Variants in IQGAP2 observed in about 807,000 individuals in gnomAD.
IQGAP2 encodes IQ motif containing GTPase activating protein 2.
A neutral mutation model predicts 201.3 loss-of-function variants in IQGAP2; 173 were observed. The ratio of observed to expected loss-of-function variants is 0.86; its 90% CI spans 0.76 to 0.98. The LOEUF is 0.98. Among genes scored for constraint, IQGAP2 ranks in the 50% least tolerant of loss-of-function variants. IQGAP2 has a pLI of 0.00. For synonymous variants in IQGAP2, 675 were observed against 673.9 expected (o/e 1.00, Z -0.03); for missense variants, 1,687 against 1,864.8 (o/e 0.90, Z 1.76).
At chr5:76,668,509 A>G (rs1743992732) in intron 22 of IQGAP2, among the ~76,000 whole-genome samples, 172 bp from the exon 23 acceptor site, 1 of 152,048 alleles carries the variant, frequency 6.6e-6, no homozygotes, top group South Asian at 2.1e-4. Context: ...TACTAATAGC[A>G]TAGAGATGAG....
At chr5:76,692,586 G>A (rs1406522827) in intron 30 of IQGAP2, among the ~76,000 whole-genome samples, 1 of 152,148 alleles carries the variant, frequency 6.6e-6, no homozygotes, top group African/African-American at 2.4e-5. Context: ...GCCTCCCTAG[G>A]AAGTGGTGGC....
At chr5:76,588,797 A>G (rs1746421996) in intron 5 of IQGAP2, 109 bp from the exon 6 acceptor site, 14 of 515,536 alleles carry the variant, frequency 2.7e-5, no homozygotes, top group Non-Finnish European at 4.7e-5. Context: ...AATAGACTAG[A>G]TATCTCTTAG....
intron 2 of IQGAP2, among the ~76,000 whole-genome samples, chr5:76,550,002 C>A (rs777731961): frequency 1.3e-5 from 2 of 152,180 alleles, no homozygotes; most frequent in Non-Finnish European, 2.9e-5. Flanking sequence ...ACAACCTAAG[C>A]CTTAACCCAT....
intron 13 of IQGAP2, among the ~76,000 whole-genome samples, chr5:76,621,546 A>G (rs1281894975): frequency 6.6e-6 from 1 of 152,234 alleles, no homozygotes; most frequent in Non-Finnish European, 1.5e-5. Flanking sequence ...AGCATGCCGT[A>G]CAAGTTATTA....
Position 76,403,373 on chromosome 5 carries a change from G to T in IQGAP2, c.-173G>T. ...TCAGTGTCAGCGCGCGGCGGCCGTG[G>T]CTGGCTCTGGCGAGAGAGCACCGAG... is the stretch of plus-strand genomic sequence containing the variant. On this transcript the variant is annotated 5_prime_UTR_variant, in exon 1 of 36. Transcript: ENST00000274364. This position sits in a 1 kb window ranked among gnomAD's most constrained non-coding sequence, Gnocchi z 4.8. 2.3e-6 allele frequency: 1 copy of T among 432,394 alleles called. No individual in the cohort carries two copies. The highest frequency in any genetic ancestry group is 4.5e-5 in the Admixed American group (1 of 21,992). The allele number at this position is 432,394 out of a possible 1,614,324, so 26.8% of individuals were successfully genotyped here. A position where few individuals can be genotyped will look rare whatever the true frequency, so the allele number is the denominator to read the frequency against.
At chr5:76,604,140 C>G (rs183468288) in intron 11 of IQGAP2, among the ~76,000 whole-genome samples, 138 of 152,118 alleles carry the variant, frequency 9.1e-4, no homozygotes, top group African/African-American at 3.2e-3. Flanking sequence ...TTCCCCACCC[C>G]CTGACATGCC....
chr5:76,698,188 T>G, intron 33 of IQGAP2, 41 bp downstream of exon 33: 1 of 1,442,970 alleles, frequency 6.9e-7, no homozygotes, highest in Non-Finnish European at 9.6e-7. Context: ...AATGTCATGA[T>G]TTCTATGAGA....
chr5:76,477,814 A>C (rs1390786803), intron 2 of IQGAP2, among the ~76,000 whole-genome samples: 2 of 152,122 alleles, frequency 1.3e-5, no homozygotes, highest in Admixed American at 1.3e-4. Flanking sequence ...ATCCTGACTC[A>C]TGTGGGATCT....
intron 17 of IQGAP2, among the ~76,000 whole-genome samples, chr5:76,647,855 G>GA (rs1267428987): frequency 9.6e-6 from 1 of 103,872 alleles, no homozygotes; most frequent in Non-Finnish European, 2.1e-5. Flanking sequence ...ACACACAAAC[G>GA]AAAAAAACTG....
intron 15 of IQGAP2, among the ~76,000 whole-genome samples, chr5:76,633,349 C>A (rs1750860258): frequency 6.6e-6 from 1 of 152,292 alleles, no homozygotes; most frequent in Non-Finnish European, 1.5e-5. Flanking sequence ...ACATGGGTAT[C>A]TTTCCTTTTA....
chr5:76,610,533 A>T (rs1200403129), intron 12 of IQGAP2, among the ~76,000 whole-genome samples: 1 of 150,302 alleles, frequency 6.7e-6, no homozygotes, highest in South Asian at 2.1e-4. Flanking sequence ...ATGCCACAGC[A>T]CTCCAGCCTG....
chr5:76,427,443 C>T lies in IQGAP2; in HGVS notation c.46+23852C>T, dbSNP rs546098982. 3.5e-4 allele frequency among the ~76,000 whole-genome samples: 54 copies of T among 152,220 alleles called. No individual in the cohort carries two copies. The South Asian group carries it at 0.01, about 29-fold the overall frequency. On this transcript the variant is annotated intron_variant, in intron 1 of 35. Coordinates refer to ENST00000274364, the MANE Select transcript of IQGAP2 (RefSeq NM_006633.5). ...TGAAATAAAGTGAGCTGAGCTCTCC[C>T]CCCTCCCCTTTCAAGAGTGCATGAA...
chr5:76,428,125 G>T (rs1161627126), intron 1 of IQGAP2, among the ~76,000 whole-genome samples: 2 of 152,180 alleles, frequency 1.3e-5, no homozygotes, highest in Non-Finnish European at 2.9e-5. Context: ...TGGCTCCCTG[G>T]GTGTGGTTTG....
In IQGAP2 at chr5:76,403,984, G is replaced by A. The variant is rs532866735; in HGVS notation, c.46+393G>A. Among the ~76,000 whole-genome samples, 55 of 152,314 alleles carry A rather than the reference G, an allele frequency of 3.6e-4. No individual in the cohort carries two copies. In the South Asian group the frequency reaches 8.1e-3, roughly 22 times the overall value. On this transcript the variant is annotated intron_variant, in intron 1 of 35. Coordinates refer to ENST00000274364, the MANE Select transcript of IQGAP2 (RefSeq NM_006633.5). This position sits in a 1 kb window ranked among gnomAD's most constrained non-coding sequence, Gnocchi z 4.8. ...GGCACCGGATTCTTCCAACCCAGAA[G>A]GGGAGGAAAGTTTGTTTGCTGTGGC... is the stretch of plus-strand genomic sequence containing the variant.
In IQGAP2 at chr5:76,595,768, AAGAG is replaced by A. The variant is rs142088212; in HGVS notation, c.908-1643_908-1640del. Among the ~76,000 whole-genome samples, 834 of 144,278 alleles carry A rather than the reference AAGAG, an allele frequency of 5.8e-3. 2 individuals are homozygous for A. Among genetic ancestry groups the A allele is most frequent in the African/African-American group, 0.012 (452 of 38,622 alleles). 94.7% of individuals were successfully genotyped at this position (144,278 alleles called of 152,430 possible). On this transcript the variant is annotated intron_variant, in intron 9 of 35. Coordinates refer to ENST00000274364, the MANE Select transcript of IQGAP2 (RefSeq NM_006633.5). Reference sequence around the variant, plus strand: ...AGAGCAAGACTGTCTCAAAAAAAGAAAGAGAGAGAGAGAGAGAGAGAGAGAGAGA... The same window carrying A: ...AGAGCAAGACTGTCTCAAAAAAAGAAAGAGAGAGAGAGAGAGAGAGAGAGA...
At chr5:76,462,211 T>G (rs1410471178) in intron 2 of IQGAP2, among the ~76,000 whole-genome samples, 1 of 152,144 alleles carries the variant, frequency 6.6e-6, no homozygotes, top group Non-Finnish European at 1.5e-5. Flanking sequence ...ATCAACTTCC[T>G]TTTTCCGCAG....
chr5:76,652,283 A>G (rs1206085551), intron 17 of IQGAP2, among the ~76,000 whole-genome samples: 2 of 152,218 alleles, frequency 1.3e-5, no homozygotes, highest in Non-Finnish European at 2.9e-5. Flanking sequence ...ATTCAGGGCC[A>G]CAAGTTGGTA....
At chr5:76,410,535 C>T (rs1751051401) in intron 1 of IQGAP2, among the ~76,000 whole-genome samples, 3 of 152,270 alleles carry the variant, frequency 2.0e-5, no homozygotes, top group South Asian at 4.1e-4. Flanking sequence ...GGCTGCTTAG[C>T]GGCCTCTTCA....
At chr5:76,542,224 G>A (rs1348492576) in intron 2 of IQGAP2, among the ~76,000 whole-genome samples, 1 of 152,246 alleles carries the variant, frequency 6.6e-6, no homozygotes, top group Non-Finnish European at 1.5e-5. Context: ...GCCTCCCAAA[G>A]TGTTGGGATT....
Sources: allele counts gnomAD v4.1 joint callset (sites outside exome capture counted in the v4.1 genomes callset), GRCh38; gene constraint gnomAD v4.1.1; non-coding constraint Gnocchi (gnomAD v3.1); transcripts MANE v1.5; gene names NCBI Gene and HGNC (gene_info 2026-07-23, HGNC 2026-07-21).